The following UQCC1 variants were observed in gnomAD, a reference collection of about 807,000 sequenced individuals.
UQCC1 encodes ubiquinol-cytochrome c reductase complex assembly factor 1.
UQCC1 carries 38 observed loss-of-function variants against 48.0 expected under a neutral mutation model. The ratio of observed to expected loss-of-function variants is 0.79; its 90% CI spans 0.61 to 1.04. The LOEUF (loss-of-function observed/expected upper bound fraction) is 1.04. Ranked by LOEUF, UQCC1 falls within the 50% of genes least tolerant of loss-of-function variation. The pLI is 0.00. For synonymous variants in UQCC1, 111 were observed against 129.2 expected (o/e 0.86, Z 0.95); for missense variants, 368 against 381.8 (o/e 0.96, Z 0.30).
intron 8 of UQCC1, among the ~76,000 whole-genome samples, chr20:35,314,368 T>G (rs2061032653): frequency 6.6e-6 from 1 of 151,884 alleles, no homozygotes. Context: ...CTCCTCTCTC[T>G]GGGAGCACAT....
chr20:35,315,735 C>A (rs1645980500), intron 7 of UQCC1, among the ~76,000 whole-genome samples: 1 of 152,018 alleles, frequency 6.6e-6, no homozygotes, highest in Non-Finnish European at 1.5e-5. Context: ...CAAAAAAATA[C>A]AAAAATTAGC....
chr20:35,357,812 T>C (rs574348355), intron 6 of UQCC1, among the ~76,000 whole-genome samples: 1 of 152,238 alleles, frequency 6.6e-6, no homozygotes, highest in East Asian at 1.9e-4. Context: ...ACTCTGACCA[T>C]ATAACAATAA....
At chr20:35,322,300 CA>C (rs1338333581) in intron 7 of UQCC1, among the ~76,000 whole-genome samples, 3 of 151,944 alleles carry the variant, frequency 2.0e-5, no homozygotes, top group Non-Finnish European at 4.4e-5. Context: ...ATGGTCGTAA[CA>C]ATGATTACAC....
At chr20:35,306,327 G>A (rs534450561) in intron 9 of UQCC1, 6 of 265,146 alleles carry the variant, frequency 2.3e-5, no homozygotes, top group Middle Eastern at 1.3e-3. Flanking sequence ...ACTACACCAC[G>A]TGCTCATATC....
intron 7 of UQCC1, among the ~76,000 whole-genome samples, chr20:35,343,545 C>G (rs907243664): frequency 6.6e-6 from 1 of 152,212 alleles, no homozygotes; most frequent in Non-Finnish European, 1.5e-5. Flanking sequence ...TAAGGCATGT[C>G]TATTTATGCC....
chr20:35,347,072 T>C lies in UQCC1; in HGVS notation c.573+92A>G, dbSNP rs548867903. 8.7e-6 allele frequency: 14 copies of C among 1,613,502 alleles called. No homozygotes were observed. In the African/African-American group the frequency reaches 1.5e-4, roughly 17 times the overall value. ...TATTAGGCAGCATTTCACAGAAATC[T>C]AAAAGCAGGGCCATTTTACAACAGA... On this transcript the variant is annotated intron_variant, in intron 7 of 9. Coordinates refer to ENST00000374385, the MANE Select transcript of UQCC1 (RefSeq NM_018244.5).
intron 5 of UQCC1, 64 bp from the exon 6 acceptor site, chr20:35,366,678 A>T: frequency 7.1e-7 from 1 of 1,415,548 alleles, no homozygotes; most frequent in East Asian, 2.3e-5. Context: ...ACCATATATT[A>T]AATATTGGCA....
chr20:35,401,753 C>T (rs2062168974), intron 1 of UQCC1, among the ~76,000 whole-genome samples: 1 of 151,182 alleles, frequency 6.6e-6, no homozygotes, highest in Non-Finnish European at 1.5e-5. Flanking sequence ...CCTCTGCCTC[C>T]TGGGTTCAAG....
At chr20:35,395,401 C>T (rs757501653) in intron 1 of UQCC1, among the ~76,000 whole-genome samples, 5 of 151,832 alleles carry the variant, frequency 3.3e-5, no homozygotes, top group Admixed American at 6.6e-5. Context: ...AGCAGGATTA[C>T]TTGAAGCCAG....
intron 1 of UQCC1, among the ~76,000 whole-genome samples, chr20:35,395,980 CTTTTTTTTTT>C (rs1000858624): frequency 3.0e-5 from 3 of 99,204 alleles, no homozygotes; most frequent in Non-Finnish European, 3.8e-5. Context: ...TTTGCAATGT[CTTTTTTTTTT>C]TTTTTTTTTT....
intron 6 of UQCC1, among the ~76,000 whole-genome samples, chr20:35,357,469 G>A (rs1182093842): frequency 6.6e-6 from 1 of 151,798 alleles, no homozygotes; most frequent in Non-Finnish European, 1.5e-5. Context: ...GCAGTGAGCC[G>A]AGTTCACACC....
chr20:35,317,601 C>T (rs367936179), intron 7 of UQCC1, among the ~76,000 whole-genome samples: 33 of 152,314 alleles, frequency 2.2e-4, no homozygotes, highest in African/African-American at 5.5e-4. Context: ...TGGGTACACA[C>T]GTGGTTTAGA....
intron 6 of UQCC1, among the ~76,000 whole-genome samples, chr20:35,361,425 T>A (rs986069892): frequency 6.6e-6 from 1 of 152,048 alleles, no homozygotes; most frequent in Non-Finnish European, 1.5e-5. Flanking sequence ...ATTGCACCTA[T>A]CACAGTTGTA....
chr20:35,343,991 G>A (rs2061407778), intron 7 of UQCC1: 1 of 152,186 alleles, frequency 6.6e-6, no homozygotes, highest in Non-Finnish European at 1.5e-5. Flanking sequence ...GATAAAATGC[G>A]ATAGGGGAAA....
chr20:35,374,398 A>G, intron 4 of UQCC1, 142 bp from the exon 5 acceptor site: 4 of 514,072 alleles, frequency 7.8e-6, no homozygotes, highest in Non-Finnish European at 1.3e-5. Flanking sequence ...AACCAATATA[A>G]ATTTTTTTTG....
At chr20:35,375,345 A>G (rs927490843) in intron 4 of UQCC1, among the ~76,000 whole-genome samples, 2 of 152,214 alleles carry the variant, frequency 1.3e-5, no homozygotes, top group Non-Finnish European at 2.9e-5. Context: ...AGAAATACCC[A>G]TAGCAAATTA....
At chr20:35,372,472 A>G (rs1181748257) in intron 5 of UQCC1, among the ~76,000 whole-genome samples, 2 of 152,216 alleles carry the variant, frequency 1.3e-5, no homozygotes, top group African/African-American at 2.4e-5. Context: ...AAAGGTGAAC[A>G]CTAAATTGGA....
At chr20:35,382,325 AG>A (rs904224679) in intron 3 of UQCC1, among the ~76,000 whole-genome samples, 2 of 151,106 alleles carry the variant, frequency 1.3e-5, no homozygotes, top group Admixed American at 6.6e-5. Flanking sequence ...TTCTCTGGAG[AG>A]GGGGGGTCCA....
At chr20:35,397,254 A>G (rs6088818) in intron 1 of UQCC1, among the ~76,000 whole-genome samples, 83,948 of 150,554 alleles carry the variant, frequency 0.56, 24,160 homozygotes, top group East Asian at 0.71. Context: ...GGTAGCTCAC[A>G]TCTGTAATCC....
Sources: allele counts gnomAD v4.1 joint callset (sites outside exome capture counted in the v4.1 genomes callset), GRCh38; gene constraint gnomAD v4.1.1; transcripts MANE v1.5; gene names NCBI Gene and HGNC (gene_info 2026-07-23, HGNC 2026-07-21).